ANKRD31: variants seen among roughly 807,000 people sequenced by gnomAD.
ANKRD31 encodes ankyrin repeat domain-containing protein 31.
A neutral mutation model predicts 186.0 loss-of-function variants in ANKRD31; 147 were observed. The observed-to-expected ratio is 0.79, with a 90% CI of 0.69 to 0.91. The LOEUF is 0.91. Ranked by LOEUF, ANKRD31 falls within the 40% of genes least tolerant of loss-of-function variation. The probability of loss-of-function intolerance (pLI) is 0.00; values close to 1 mark genes in which losing one functional copy is unlikely to be tolerated. For synonymous variants in ANKRD31, 673 were observed against 736.4 expected (o/e 0.91, Z 1.39); for missense variants, 1,986 against 2,148.8 (o/e 0.92, Z 1.50).
At chr5:75,103,204 A>T (rs1747051566) in intron 22 of ANKRD31, among the ~76,000 whole-genome samples, 1 of 152,152 alleles carries the variant, frequency 6.6e-6, no homozygotes, top group Non-Finnish European at 1.5e-5. Context: ...TGTTTTTGTC[A>T]GGTTTAAAGA....
intron 25 of ANKRD31, among the ~76,000 whole-genome samples, chr5:75,079,641 A>AT (rs1210473154): frequency 6.6e-6 from 1 of 151,956 alleles, no homozygotes; most frequent in Admixed American, 6.6e-5. Context: ...TGCCTGGCTA[A>AT]TTTTTTGTAT....
chr5:75,230,618 T>C lies in ANKRD31; in HGVS notation c.122A>G (p.Asp41Gly). 1 of 1,536,644 alleles carries C rather than the reference T, an allele frequency of 6.5e-7. No individual in the cohort carries two copies. Among genetic ancestry groups the C allele is most frequent in the South Asian group, 1.2e-5 (1 of 84,040 alleles). ...LPWRRLLFDQ[D>G]ASLKSEFSLH... Reference sequence around the variant, plus strand: ...ACTGAACTCAGATTTAAGAGATGCGTCTTGATCAAACAGCAACCTTTCAAA... The same window carrying C: ...ACTGAACTCAGATTTAAGAGATGCGCCTTGATCAAACAGCAACCTTTCAAA... The change falls in exon 2 of 26, where the codon GAC becomes GGC. Residue 41 changes from aspartate (D) to glycine (G), a missense_variant. Asp to Gly is a moderately conservative substitution (Grantham distance 94). Transcript: ENST00000506364.
intron 3 of ANKRD31, among the ~76,000 whole-genome samples, chr5:75,220,642 CA>C (rs113439471): frequency 0.53 from 72,330 of 136,500 alleles, 20,457 homozygotes; most frequent in African/African-American, 0.81. Context: ...AACTCCGTCT[CA>C]AAAAAAAAAA....
intron 20 of ANKRD31, 26 bp downstream of exon 20, chr5:75,112,487 A>C (rs935394147): frequency 1.2e-5 from 17 of 1,391,406 alleles, no homozygotes; most frequent in Non-Finnish European, 1.5e-5. Flanking sequence ...TGAAAATATC[A>C]TACTTGAGTA....
At chr5:75,235,918 G>C (rs1020985840) in intron 1 of ANKRD31, among the ~76,000 whole-genome samples, 3 of 152,296 alleles carry the variant, frequency 2.0e-5, no homozygotes, top group South Asian at 4.1e-4. Context: ...TGAGGAAAGG[G>C]GGCAGGAGAA....
chr5:75,210,710 G>A (rs1756570081), intron 4 of ANKRD31, 118 bp downstream of exon 4: 12 of 656,362 alleles, frequency 1.8e-5, no homozygotes, highest in South Asian at 6.7e-5. Context: ...CTACAAAATG[G>A]GCAATTATTC....
At chr5:75,164,493 G>T (rs1752787323) in intron 11 of ANKRD31, among the ~76,000 whole-genome samples, 1 of 152,208 alleles carries the variant, frequency 6.6e-6, no homozygotes, top group Non-Finnish European at 1.5e-5. Flanking sequence ...CTTTTTAAAG[G>T]TAGAGAGTAC....
At position 75,147,236 on chromosome 5, in the gene ANKRD31, T is replaced by C. The variant is rs770079172; in HGVS notation, c.2175A>G (p.Pro725=). The change falls in exon 14 of 26, where the codon CCA becomes CCG. Residue 725 remains proline, a synonymous_variant. Coordinates refer to ENST00000506364, the MANE Select transcript of ANKRD31 (RefSeq NM_001372053.1). Reference sequence around the variant, plus strand: ...GTGTTTTTCTTCTTCCTATACCTTTTGGTACGTTTGTGTTGGGATCTTTGA... The same window carrying C: ...GTGTTTTTCTTCTTCCTATACCTTTCGGTACGTTTGTGTTGGGATCTTTGA... ...HNVKDPNTNV[P]KGIGRRKTQH... is the part of the protein sequence containing the mutation. 4.2e-5 allele frequency: 65 copies of C among 1,536,220 alleles called. No homozygotes were observed. Among genetic ancestry groups the C allele is most frequent in the Non-Finnish European group, 5.4e-5 (62 of 1,146,320 alleles).
chr5:75,161,747 G>C (rs886660908), intron 11 of ANKRD31, among the ~76,000 whole-genome samples: 1 of 152,178 alleles, frequency 6.6e-6, no homozygotes, highest in Non-Finnish European at 1.5e-5. Context: ...TACAACCTAG[G>C]GACTTGGTGC....
At chr5:75,155,812 C>T (rs1034016750) in intron 11 of ANKRD31, among the ~76,000 whole-genome samples, 2 of 152,058 alleles carry the variant, frequency 1.3e-5, no homozygotes, top group African/African-American at 4.8e-5. Flanking sequence ...TTCTCTCTTA[C>T]CTTTGATATT....
intron 22 of ANKRD31, among the ~76,000 whole-genome samples, chr5:75,097,617 C>T (rs1049784400): frequency 3.3e-5 from 5 of 152,182 alleles, no homozygotes; most frequent in African/African-American, 1.2e-4. Context: ...TGCCTCTTCA[C>T]TCTGATGGCA....
At chr5:75,117,531 C>T (rs1748397646) in intron 18 of ANKRD31, among the ~76,000 whole-genome samples, 1 of 152,120 alleles carries the variant, frequency 6.6e-6, no homozygotes, top group Non-Finnish European at 1.5e-5. Flanking sequence ...TGTTGGTAGG[C>T]TAGGGGAGAA....
chr5:75,209,029 C>T (rs1163864209), intron 4 of ANKRD31, among the ~76,000 whole-genome samples: 4 of 152,144 alleles, frequency 2.6e-5, no homozygotes, highest in Admixed American at 6.5e-5. Flanking sequence ...TCCCCCTCTA[C>T]CCCTAAAATA....
intron 1 of ANKRD31, among the ~76,000 whole-genome samples, chr5:75,235,820 C>T (rs753706760): frequency 4.6e-5 from 7 of 152,156 alleles, no homozygotes; most frequent in Non-Finnish European, 8.8e-5. Flanking sequence ...AAAGGCTGTC[C>T]CCCTTGTAAG....
At chr5:75,090,508 T>A (rs912080477) in intron 23 of ANKRD31, among the ~76,000 whole-genome samples, 1 of 152,336 alleles carries the variant, frequency 6.6e-6, no homozygotes, top group Non-Finnish European at 1.5e-5. Context: ...TTCCTATTAC[T>A]GGTACACTGA....
chr5:75,158,379 T>C (rs1477979251), intron 11 of ANKRD31, among the ~76,000 whole-genome samples: 2 of 152,154 alleles, frequency 1.3e-5, no homozygotes, highest in African/African-American at 4.8e-5. Flanking sequence ...GACTGCACAC[T>C]GTGAGGGAAA....
chr5:75,215,520 A>T (rs1376185701), intron 3 of ANKRD31, among the ~76,000 whole-genome samples: 10 of 152,200 alleles, frequency 6.6e-5, no homozygotes, highest in Non-Finnish European at 1.5e-4. Context: ...GCCATATAGC[A>T]TACATGTAAA....
chr5:75,151,923 G>A (rs887392126), intron 12 of ANKRD31, among the ~76,000 whole-genome samples: 41 of 151,982 alleles, frequency 2.7e-4, no homozygotes, highest in Admixed American at 1.9e-3. Flanking sequence ...TATTCATCTT[G>A]TATTATCAGG....
intron 20 of ANKRD31, among the ~76,000 whole-genome samples, chr5:75,109,839 A>G (rs1033599945): frequency 6.6e-6 from 1 of 152,136 alleles, no homozygotes; most frequent in African/African-American, 2.4e-5. Context: ...GAAAAAAAAA[A>G]TAGAAGCTGA....
Sources: allele counts gnomAD v4.1 joint callset (sites outside exome capture counted in the v4.1 genomes callset), GRCh38; gene constraint gnomAD v4.1.1; transcripts MANE v1.5; gene names NCBI Gene and HGNC (gene_info 2026-07-23, HGNC 2026-07-21).